Variants in STKLD1 observed in about 807,000 individuals in gnomAD.
STKLD1 encodes the protein serine/threonine kinase like domain containing 1.
In STKLD1, 79 loss-of-function variants were observed where a neutral mutation model predicts 80.4. That is an observed-to-expected ratio of 0.98 (90% CI 0.82 to 1.19). The LOEUF (loss-of-function observed/expected upper bound fraction) is 1.19. STKLD1 is among the 50% of genes most tolerant of loss of function. The pLI, the probability that STKLD1 is intolerant of heterozygous loss-of-function variation, is 0.00. For missense variants in STKLD1, 841 were observed against 856.0 expected, an observed-to-expected ratio of 0.98 and a Z score of 0.22; for synonymous variants, 393 against 357.6, an observed-to-expected ratio of 1.10 and a Z score of -1.12.
In STKLD1 at chr9:133,389,344, T is replaced by A; in HGVS notation, c.397-182T>A. The A allele has an allele frequency of 1.0e-6, 1 of 985,262 alleles. No individual in the cohort carries two copies. Among genetic ancestry groups the A allele is most frequent in the Non-Finnish European group, 1.2e-6 (1 of 829,892 alleles). The allele number at this position is 985,262 out of a possible 1,614,324, so 61.0% of individuals were successfully genotyped here. ...AGTCCTTCTGGCTGCCGCCGCGGCTTTACCATCTGGAGAGCCACCACGCTG... is the reference window on the plus strand; with the variant it reads ...AGTCCTTCTGGCTGCCGCCGCGGCTATACCATCTGGAGAGCCACCACGCTG... On this transcript the variant is annotated intron_variant, in intron 5 of 17. Transcript: ENST00000371957. This position sits in a 1 kb window ranked among gnomAD's most constrained non-coding sequence, Gnocchi z 6.4.
At chr9:133,398,606 C>T (rs796922484) in intron 11 of STKLD1, among the ~76,000 whole-genome samples, 1 of 152,120 alleles carries the variant, frequency 6.6e-6, no homozygotes, top group South Asian at 2.1e-4. Context: ...AAGGGAGAGC[C>T]CATTTCTACA....
intron 2 of STKLD1, among the ~76,000 whole-genome samples, chr9:133,380,572 G>A (rs2130263890): frequency 2.0e-5 from 3 of 152,104 alleles, no homozygotes; most frequent in African/African-American, 7.2e-5. Flanking sequence ...AGAATTGCTT[G>A]AACCCGGGCG....
Position 133,397,227 on chromosome 9 carries a change from G to A in STKLD1, c.930G>A (p.Leu310=), listed in dbSNP as rs782083225. 1.2e-6 allele frequency: 2 copies of A among 1,613,920 alleles called. No individual in the cohort carries two copies. Among genetic ancestry groups the A allele is most frequent in the Non-Finnish European group, 1.7e-6 (2 of 1,180,006 alleles). Residue 310 remains leucine, a synonymous_variant, in exon 10 of 18, where the codon CTG becomes CTA. Coordinates refer to ENST00000371957, the MANE Select transcript of STKLD1 (RefSeq NM_153710.5). The part of the protein sequence containing the change: ...SFKSSCVSLT[L]HRQMVPASIT... Reference sequence around the variant, plus strand: ...AGTCCTCGTGCGTCTCTCTGACCCTGCACCGGCAGATGGTGCCTGCGTCCA... The same window carrying A: ...AGTCCTCGTGCGTCTCTCTGACCCTACACCGGCAGATGGTGCCTGCGTCCA...
At chr9:133,379,161 C>G in intron 2 of STKLD1, 39 bp downstream of exon 2, 1 of 1,554,744 alleles carries the variant, frequency 6.4e-7, no homozygotes, top group Non-Finnish European at 8.8e-7. Context: ...CCGGGTGGTT[C>G]TGTGACTGTG....
intron 5 of STKLD1, among the ~76,000 whole-genome samples, chr9:133,388,357 C>G (rs1249227727): frequency 6.6e-6 from 1 of 152,148 alleles, no homozygotes; most frequent in African/African-American, 2.4e-5. Flanking sequence ...AAGCGATTCT[C>G]CTGCCTCAGC....
chr9:133,398,609 T>C (rs7029386), intron 11 of STKLD1, among the ~76,000 whole-genome samples: 17,873 of 151,996 alleles, frequency 0.12, 1,383 homozygotes, highest in African/African-American at 0.22. Context: ...GGAGAGCCCA[T>C]TTCTACAAAA....
chr9:133,404,787 A>C lies in STKLD1; in HGVS notation c.1733-2A>C. ...ATGAACCCACTCCCACCCATCCCCC[A>C]GAGCTGGCGGCCTTCAAGGTGGTGG... On this transcript the variant is annotated splice_acceptor_variant, in intron 16 of 17. Transcript: ENST00000371957. LOFTEE classifies it high-confidence loss of function. 2.5e-6 allele frequency: 4 copies of C among 1,612,328 alleles called. No individual in the cohort carries two copies. Among genetic ancestry groups the C allele is most frequent in the Non-Finnish European group, 3.4e-6 (4 of 1,179,558 alleles).
Position 133,393,233 on chromosome 9 carries a change from C to T in STKLD1, c.584-1058C>T, listed in dbSNP as rs921819384. On this transcript the variant is annotated intron_variant, in intron 7 of 17. Coordinates refer to ENST00000371957, the MANE Select transcript of STKLD1 (RefSeq NM_153710.5). ...ATGGATGGATGGATGGATGGTTGGA[C>T]GGATGGATGAATGGGAGGGTAGGTA... Among the ~76,000 whole-genome samples, 424 of 58,954 alleles carry T rather than the reference C, an allele frequency of 7.2e-3. 3 individuals carry two copies. Among genetic ancestry groups the T allele is most frequent in the African/African-American group, 0.024 (400 of 16,502 alleles). The allele number at this position is 58,954 out of a possible 152,430, so 38.7% of individuals were successfully genotyped here. A position where few individuals can be genotyped will look rare whatever the true frequency, so the allele number is the denominator to read the frequency against.
intron 4 of STKLD1, among the ~76,000 whole-genome samples, chr9:133,386,859 G>A (rs1444645749): frequency 1.3e-5 from 2 of 152,220 alleles, no homozygotes; most frequent in Non-Finnish European, 2.9e-5. Flanking sequence ...CCCACCTGGG[G>A]CCAACAATCC....
chr9:133,391,966 C>T (rs2130290609), intron 7 of STKLD1, among the ~76,000 whole-genome samples: 7 of 151,002 alleles, frequency 4.6e-5, no homozygotes, highest in Non-Finnish European at 8.8e-5. Flanking sequence ...CAAGGGGAGA[C>T]GAGTTCTCGT....
chr9:133,381,134 T>TC (rs1343647129), intron 2 of STKLD1, among the ~76,000 whole-genome samples: 3 of 141,314 alleles, frequency 2.1e-5, no homozygotes, highest in Non-Finnish European at 4.6e-5. Flanking sequence ...GATGTAACTT[T>TC]TTTTTTTTTT....
chr9:133,400,056 C>A (rs782408825), intron 11 of STKLD1, among the ~76,000 whole-genome samples: 1 of 152,120 alleles, frequency 6.6e-6, no homozygotes, highest in Non-Finnish European at 1.5e-5. Context: ...TGGAGCCCAC[C>A]CACCCATGTC....
intron 9 of STKLD1, 30 bp from the exon 10 acceptor site, chr9:133,397,134 G>C (rs1838582353): frequency 6.2e-7 from 1 of 1,613,102 alleles, no homozygotes; most frequent in Non-Finnish European, 8.5e-7. Flanking sequence ...GCGCTGCTGG[G>C]TTACTCAGCC....
At chr9:133,383,928 G>A in intron 3 of STKLD1, 28 bp downstream of exon 3, 4 of 1,610,752 alleles carry the variant, frequency 2.5e-6, no homozygotes, top group Non-Finnish European at 3.4e-6. Flanking sequence ...TTTCCCTCTG[G>A]AAGAGCTCAA....
In STKLD1 at chr9:133,401,759, C is replaced by G. The variant is rs782247289; in HGVS notation, c.1220C>G (p.Ala407Gly). The G allele has an allele frequency of 6.2e-7, 1 of 1,613,110 alleles. No individual in the cohort carries two copies. The highest frequency in any genetic ancestry group is 1.7e-5 in the Admixed American group (1 of 59,994). ...LGQALVHHPE[A>G]KAPCNQAITS... is the part of the protein sequence containing the mutation. ...GCAGCGCTGGTGCACCACCCGGAAG[C>G]CAAGGCTCCCTGCAACCAAGCCATC... is the stretch of plus-strand genomic sequence containing the variant. Residue 407 changes from alanine (A) to glycine (G), a missense_variant, in exon 13 of 18, where the codon GCC (alanine) becomes GGC (glycine). Transcript: ENST00000371957.
At chr9:133,386,915 C>T (rs2130278362) in intron 4 of STKLD1, among the ~76,000 whole-genome samples, 3 of 152,194 alleles carry the variant, frequency 2.0e-5, no homozygotes, top group Admixed American at 6.5e-5. Context: ...TCTGCTCCAG[C>T]GGGTCTTGGG....
Position 133,398,851 on chromosome 9 carries a change from TTGTTTG to T in STKLD1, c.1081+798_1081+803del, listed in dbSNP as rs1588753461. Among the ~76,000 whole-genome samples the T allele has an allele frequency of 2.0e-5, 3 of 152,014 alleles. No individual in the cohort carries two copies. In the East Asian group the frequency reaches 5.8e-4, roughly 29 times the overall value. On this transcript the variant is annotated intron_variant, in intron 11 of 17. Transcript: ENST00000371957. ...AAAAGCAGTTTTTTTTTGTTTTTGTTTGTTTGTTTGTTTGTTTTTGAGACAGGGTCT... is the reference window on the plus strand; with the variant it reads ...AAAAGCAGTTTTTTTTTGTTTTTGTTTTTGTTTGTTTTTGAGACAGGGTCT...
At chr9:133,391,237 G>A (rs1046221829) in intron 7 of STKLD1, among the ~76,000 whole-genome samples, 4 of 147,936 alleles carry the variant, frequency 2.7e-5, no homozygotes, top group African/African-American at 1.0e-4. Context: ...GGAGGGAGGT[G>A]GGGGGGTCAG....
Position 133,394,424 on chromosome 9 carries a change from C to T in STKLD1, c.702+15C>T. 2 of 1,572,590 alleles carry T rather than the reference C, an allele frequency of 1.3e-6. No homozygotes were observed. The highest frequency in any genetic ancestry group is 1.8e-6 in the Non-Finnish European group (2 of 1,142,624). On this transcript the variant is annotated intron_variant, in intron 8 of 17. Transcript: ENST00000371957. This position sits in a 1 kb window ranked among gnomAD's most constrained non-coding sequence, Gnocchi z 4.9. ...CCTTCATGGATGTGAGCCGCCCTCC[C>T]TCCCCCACACCCCACATGCTGTTCC...
Sources: gnomAD v4.1 joint callset for allele counts (sites outside exome capture counted in the v4.1 genomes callset) on GRCh38, gnomAD v4.1.1 for gene constraint, Gnocchi (gnomAD v3.1) non-coding constraint, MANE v1.5 for transcripts, NCBI Gene and HGNC (gene_info 2026-07-23, HGNC 2026-07-21) for gene names.